The following MEGF9 variants were observed in gnomAD, a reference collection of about 807,000 sequenced individuals.
MEGF9 encodes multiple epidermal growth factor-like domains protein 9.
Under a neutral mutation model 46.8 loss-of-function variants are expected in MEGF9, and 6 were observed. The ratio of observed to expected loss-of-function variants is 0.13; its 90% CI spans 0.07 to 0.25. The LOEUF is 0.25. Ranked by LOEUF, MEGF9 falls within the 10% of genes least tolerant of loss-of-function variation. MEGF9 has a pLI of 1.00. For synonymous variants in MEGF9, 302 were observed against 330.7 expected, an observed-to-expected ratio of 0.91 and a Z score of 0.94; for missense variants, 683 against 792.4, an observed-to-expected ratio of 0.86 and a Z score of 1.66.
chr9:120,706,772 C>T (rs1250890351), intron 1 of MEGF9, among the ~76,000 whole-genome samples: 5 of 152,120 alleles, frequency 3.3e-5, no homozygotes, highest in Non-Finnish European at 7.4e-5. Flanking sequence ...GAGGTTGAGG[C>T]TGCAGTGAGC....
At chr9:120,609,165 C>T (rs371976584) in intron 4 of MEGF9, among the ~76,000 whole-genome samples, 5 of 152,300 alleles carry the variant, frequency 3.3e-5, no homozygotes, top group African/African-American at 1.2e-4. Flanking sequence ...TTTCTCTCTT[C>T]ACTTCACACT....
At chr9:120,709,396 G>A (rs1412019663) in intron 1 of MEGF9, among the ~76,000 whole-genome samples, 1 of 150,814 alleles carries the variant, frequency 6.6e-6, no homozygotes, top group Non-Finnish European at 1.5e-5. Context: ...CTGGGCAACA[G>A]AGTGGAACTC....
intron 3 of MEGF9, among the ~76,000 whole-genome samples, chr9:120,619,684 T>C (rs74584486): frequency 0.037 from 5,701 of 152,308 alleles, 334 homozygotes; most frequent in African/African-American, 0.13. Flanking sequence ...CATCTCTGAA[T>C]ATAACCTTCT....
At chr9:120,631,962 T>G (rs2043552574) in intron 2 of MEGF9, among the ~76,000 whole-genome samples, 1 of 150,406 alleles carries the variant, frequency 6.6e-6, no homozygotes, top group African/African-American at 2.4e-5. Context: ...GGAGTCTCAC[T>G]CTGTCGCCAG....
rs976550484 is a variant in MEGF9, at chr9:120,611,068, T to A, written c.1087+1328A>T. ...ACCACTTCATATCTACTAGGATGGC[T>A]ATAATTATACAAAGGCAGATAGTAA... On this transcript the variant is annotated intron_variant, in intron 4 of 5. Coordinates refer to ENST00000373930, the MANE Select transcript of MEGF9 (RefSeq NM_001080497.3). Among the ~76,000 whole-genome samples, 35 of 152,180 alleles carry A rather than the reference T, an allele frequency of 2.3e-4. 2 individuals are homozygous for A. The highest frequency in any genetic ancestry group is 2.2e-3 in the Admixed American group (34 of 15,274).
intron 2 of MEGF9, among the ~76,000 whole-genome samples, chr9:120,632,177 G>A (rs756796958): frequency 1.2e-4 from 18 of 151,992 alleles, no homozygotes; most frequent in South Asian, 2.1e-4. Flanking sequence ...CACCCACCTC[G>A]GCCTCCCAAG....
Position 120,605,135 on chromosome 9 carries a change from C to A in MEGF9, c.*55G>T. The A allele has an allele frequency of 6.6e-7, 1 of 1,521,938 alleles. No homozygotes were observed. The highest frequency in any genetic ancestry group is 2.1e-4 in the Middle Eastern group (1 of 4,866). The allele number at this position is 1,521,938 out of a possible 1,614,324, so 94.3% of individuals were successfully genotyped here. A position where few individuals can be genotyped will look rare whatever the true frequency, so the allele number is the denominator to read the frequency against. ...AGCCAGGCTTTGTCTGGCCCAGGGG[C>A]TGACTCTGTCTTAGCAAGCACTGTG... On this transcript the variant is annotated 3_prime_UTR_variant, in exon 6 of 6. Transcript: ENST00000373930. This position sits in a 1 kb window ranked among gnomAD's most constrained non-coding sequence, Gnocchi z 4.0.
At chr9:120,644,105 A>G (rs966648003) in intron 2 of MEGF9, among the ~76,000 whole-genome samples, 2 of 152,278 alleles carry the variant, frequency 1.3e-5, no homozygotes, top group South Asian at 4.1e-4. Context: ...AGATTTCCCT[A>G]ATTTTTCTAC....
chr9:120,685,676 A>G (rs945163772), intron 1 of MEGF9, among the ~76,000 whole-genome samples: 1 of 152,222 alleles, frequency 6.6e-6, no homozygotes, highest in African/African-American at 2.4e-5. Flanking sequence ...GCAGTTTCCC[A>G]AAAAATTAAT....
intron 1 of MEGF9, among the ~76,000 whole-genome samples, chr9:120,680,854 T>C (rs953001611): frequency 6.6e-6 from 1 of 152,142 alleles, no homozygotes; most frequent in Admixed American, 6.5e-5. Context: ...GATGTTCATT[T>C]AAGGCCCAAG....
chr9:120,640,922 A>G (rs538763438), intron 2 of MEGF9, among the ~76,000 whole-genome samples: 6 of 135,742 alleles, frequency 4.4e-5, no homozygotes, highest in African/African-American at 1.7e-4. Context: ...TGTGTACTCA[A>G]TGTTTAGATC....
intron 3 of MEGF9, among the ~76,000 whole-genome samples, chr9:120,618,861 T>C (rs2043484873): frequency 6.8e-6 from 1 of 147,410 alleles, no homozygotes; most frequent in South Asian, 2.2e-4. Context: ...GATCGTGCCA[T>C]GTACTCCAGC....
At chr9:120,694,983 C>T (rs1317975530) in intron 1 of MEGF9, among the ~76,000 whole-genome samples, 2 of 150,642 alleles carry the variant, frequency 1.3e-5, no homozygotes, top group Admixed American at 6.6e-5. Context: ...AAATATTTAC[C>T]ACAGACCTAC....
intron 1 of MEGF9, among the ~76,000 whole-genome samples, chr9:120,667,964 G>A (rs1235518500): frequency 6.6e-6 from 1 of 152,220 alleles, no homozygotes; most frequent in Non-Finnish European, 1.5e-5. Context: ...GGCAGAGGTT[G>A]CAGTGAGACG....
intron 4 of MEGF9, among the ~76,000 whole-genome samples, chr9:120,611,830 A>G (rs1315915045): frequency 6.9e-6 from 1 of 144,554 alleles, no homozygotes; most frequent in African/African-American, 2.7e-5. Context: ...AAGAAAAGAA[A>G]GAAAGGAAGG....
In MEGF9 at chr9:120,714,382, G is replaced by T; in HGVS notation, c.-24C>A. ...ATTCATTCAGCCAGTCGGTTGGTCA[G>T]TCATCTTCTCCTCGTTGCAATCCGA... On this transcript the variant is annotated 5_prime_UTR_variant, in exon 1 of 6. In the 5' UTR this introduces an upstream ATG that the reference lacks. Coordinates refer to ENST00000373930, the MANE Select transcript of MEGF9 (RefSeq NM_001080497.3). The T allele has an allele frequency of 7.7e-7, 1 of 1,292,814 alleles. No individual in the cohort carries two copies. Among genetic ancestry groups the T allele is most frequent in the Non-Finnish European group, 9.8e-7 (1 of 1,022,094 alleles). The allele number at this position is 1,292,814 out of a possible 1,614,324, so 80.1% of individuals were successfully genotyped here. A position where few individuals can be genotyped will look rare whatever the true frequency, so the allele number is the denominator to read the frequency against.
chr9:120,681,984 T>C (rs554720117), intron 1 of MEGF9, among the ~76,000 whole-genome samples: 5 of 152,294 alleles, frequency 3.3e-5, no homozygotes, highest in East Asian at 3.9e-4. Flanking sequence ...ATTAGAGTAA[T>C]GAACCTTACA....
At position 120,714,258 on chromosome 9, in the gene MEGF9, G is replaced by C; in HGVS notation, c.101C>G (p.Ser34Ter). The C allele has an allele frequency of 8.3e-7, 1 of 1,203,502 alleles. No homozygotes were observed. The highest frequency in any genetic ancestry group is 1.0e-6 in the Non-Finnish European group (1 of 981,028). The allele number at this position is 1,203,502 out of a possible 1,614,324, so 74.6% of individuals were successfully genotyped here. A position where few individuals can be genotyped will look rare whatever the true frequency, so the allele number is the denominator to read the frequency against. Reference sequence around the variant, plus strand: ...GGTGACATTCCCCGCCGAGGCGGCTGAGGCGACGGCGGCGGCGGCGGCGGC... The same window carrying C: ...GGTGACATTCCCCGCCGAGGCGGCTCAGGCGACGGCGGCGGCGGCGGCGGC... ...AAAAAAAAVA[S>*]AASAGNVTGG... Residue 34 changes from serine (S) to a stop codon, truncating the protein, a stop_gained, in exon 1 of 6, where the codon TCA (serine) becomes TGA (stop). Coordinates refer to ENST00000373930, the MANE Select transcript of MEGF9 (RefSeq NM_001080497.3). LOFTEE classifies it high-confidence loss of function.
chr9:120,690,477 TATCAATGATAC>T (rs1353727225), intron 1 of MEGF9, among the ~76,000 whole-genome samples: 2 of 152,154 alleles, frequency 1.3e-5, no homozygotes. Context: ...TAATGTTTTG[TATCAATGATAC>T]ATCAGATGTA....
Sources: gnomAD v4.1 joint callset for allele counts (sites outside exome capture counted in the v4.1 genomes callset) on GRCh38, gnomAD v4.1.1 for gene constraint, Gnocchi (gnomAD v3.1) non-coding constraint, MANE v1.5 for transcripts, NCBI Gene and HGNC (gene_info 2026-07-23, HGNC 2026-07-21) for gene names.